PRKN: variants seen among roughly 807,000 people sequenced by gnomAD.
PRKN encodes E3 ubiquitin-protein ligase parkin.
PRKN carries 56 observed loss-of-function variants against 59.5 expected under a neutral mutation model. The ratio of observed to expected loss-of-function variants is 0.94; its 90% CI spans 0.76 to 1.18. The LOEUF (loss-of-function observed/expected upper bound fraction) is 1.18. Ranked by LOEUF, PRKN falls within the 50% of genes most tolerant of loss-of-function variation. The pLI is 0.00. For synonymous variants in PRKN, 250 were observed against 222.1 expected (o/e 1.13, Z -1.12); for missense variants, 657 against 596.4 (o/e 1.10, Z -1.06).
chr6:161,548,922 C>T lies in PRKN; in HGVS notation c.1015G>A (p.Ala339Thr). The change falls in exon 9 of 12, where the codon GCG becomes ACG. Residue 339 changes from alanine (A) to threonine (T), a missense_variant. Coordinates refer to ENST00000366898, the MANE Select transcript of PRKN (RefSeq NM_004562.3). This position sits in a 1 kb window ranked among gnomAD's most constrained non-coding sequence, Gnocchi z 4.2. ...GVLCPRPGCGAGLLPEPDQRK... is the reference protein window; with the variant it reads ...GVLCPRPGCGTGLLPEPDQRK... ...TGGTCAGGCTCCGGCAGCAGCCCCG[C>T]TCCACAGCCAGGGCGGGGGCATAAC... is the stretch of plus-strand genomic sequence containing the variant. 1 of 1,614,166 alleles carries T rather than the reference C, an allele frequency of 6.2e-7. No individual in the cohort carries two copies. The highest frequency in any genetic ancestry group is 8.5e-7 in the Non-Finnish European group (1 of 1,179,994).
intron 3 of PRKN, among the ~76,000 whole-genome samples, chr6:162,231,815 G>T (rs980401411): frequency 6.6e-6 from 1 of 152,136 alleles, no homozygotes; most frequent in Non-Finnish European, 1.5e-5. Flanking sequence ...ACATCCCAGA[G>T]AGAGAAAAAT....
At chr6:161,412,592 C>T (rs558170422) in intron 9 of PRKN, among the ~76,000 whole-genome samples, 1 of 149,840 alleles carries the variant, frequency 6.7e-6, no homozygotes, top group African/African-American at 2.5e-5. Flanking sequence ...TCCGCTCACT[C>T]AGTCCTTTCT....
chr6:161,605,086 A>G (rs1782230440), intron 7 of PRKN, among the ~76,000 whole-genome samples: 1 of 152,218 alleles, frequency 6.6e-6, no homozygotes, highest in Non-Finnish European at 1.5e-5. Context: ...ATTTTATTCT[A>G]TATTTTAGAG....
At chr6:161,509,456 G>A (rs905874160) in intron 9 of PRKN, among the ~76,000 whole-genome samples, 11 of 152,178 alleles carry the variant, frequency 7.2e-5, no homozygotes, top group African/African-American at 2.7e-4. Flanking sequence ...GGGGCAGCCA[G>A]GTGGGCATGG....
intron 1 of PRKN, among the ~76,000 whole-genome samples, chr6:162,545,972 A>G (rs531619600): frequency 1.3e-5 from 2 of 152,258 alleles, no homozygotes; most frequent in African/African-American, 4.8e-5. Flanking sequence ...TTAAGAGTCT[A>G]CACTGTTCAT....
intron 4 of PRKN, among the ~76,000 whole-genome samples, chr6:162,129,609 C>A (rs557288167): frequency 3.0e-4 from 46 of 152,146 alleles, no homozygotes; most frequent in Non-Finnish European, 5.4e-4. Flanking sequence ...GAATATGCCA[C>A]TTCATTAGAG....
At chr6:162,018,739 G>A (rs1783022354) in intron 5 of PRKN, among the ~76,000 whole-genome samples, 3 of 152,062 alleles carry the variant, frequency 2.0e-5, no homozygotes, top group Admixed American at 2.0e-4. Context: ...CCTCCCAAGA[G>A]CCAAAACCTA....
intron 5 of PRKN, among the ~76,000 whole-genome samples, chr6:162,016,446 G>A (rs996449939): frequency 2.6e-5 from 4 of 152,056 alleles, no homozygotes; most frequent in Non-Finnish European, 5.9e-5. Flanking sequence ...GTCTTGATAG[G>A]TGGAAAGTGC....
At chr6:162,010,322 TTATAATA>T (rs1438118841) in intron 5 of PRKN, among the ~76,000 whole-genome samples, 1 of 121,406 alleles carries the variant, frequency 8.2e-6, no homozygotes, top group Non-Finnish European at 1.6e-5. Flanking sequence ...TTTTATATAT[TTATAATA>T]TATAATATAT....
chr6:162,679,753 T>C (rs1484415457), intron 1 of PRKN, among the ~76,000 whole-genome samples: 1 of 152,178 alleles, frequency 6.6e-6, no homozygotes, highest in African/African-American at 2.4e-5. Flanking sequence ...AATACTTTAC[T>C]TCAGTATCAA....
intron 4 of PRKN, among the ~76,000 whole-genome samples, chr6:162,092,046 A>C (rs771894905): frequency 3.9e-5 from 6 of 152,126 alleles, no homozygotes; most frequent in Non-Finnish European, 5.9e-5. Context: ...AAAGAAAAGA[A>C]AAAGGTCATA....
intron 5 of PRKN, among the ~76,000 whole-genome samples, chr6:162,021,295 T>TAAAC (rs58952437): frequency 0.77 from 107,912 of 140,820 alleles, 41,590 homozygotes; most frequent in Admixed American, 0.81. Flanking sequence ...AAACCACACT[T>TAAAC]AAATGACTAA....
At chr6:162,228,052 A>T (rs570736168) in intron 3 of PRKN, among the ~76,000 whole-genome samples, 1 of 152,292 alleles carries the variant, frequency 6.6e-6, no homozygotes, top group East Asian at 1.9e-4. Flanking sequence ...CGTAGAGAGA[A>T]TTCTCCAAAT....
chr6:161,961,855 G>A (rs181536428), intron 6 of PRKN, among the ~76,000 whole-genome samples: 83 of 152,216 alleles, frequency 5.5e-4, no homozygotes, highest in African/African-American at 1.9e-3. Context: ...ATGAGACTGC[G>A]TTGCCTGTGA....
At chr6:161,880,728 G>C (rs890751824) in intron 6 of PRKN, among the ~76,000 whole-genome samples, 1 of 152,118 alleles carries the variant, frequency 6.6e-6, no homozygotes, top group Non-Finnish European at 1.5e-5. Context: ...CGCACTTCCT[G>C]GGCACTACCT....
chr6:162,384,669 A>C (rs1296036203), intron 2 of PRKN, among the ~76,000 whole-genome samples: 1 of 151,874 alleles, frequency 6.6e-6, no homozygotes, highest in Non-Finnish European at 1.5e-5. Flanking sequence ...AAAACAAAAA[A>C]AAAAAACACT....
chr6:161,347,606 C>CCTTTTTGTTTTTTTTTTTTT lies in PRKN; in HGVS notation c.*2492_*2493insAAAAAAAAAAAAACAAAAAG, dbSNP rs1562383605. 7.4e-6 allele frequency: 1 copy of CCTTTTTGTTTTTTTTTTTTT among 134,762 alleles called. No homozygotes were observed. The allele number at this position is 134,762 out of a possible 1,614,324, so 8.3% of individuals were successfully genotyped here. A position where few individuals can be genotyped will look rare whatever the true frequency, so the allele number is the denominator to read the frequency against. ...TGTTCATGTGTAGTGGATGATCTTGCTTTTTTGTTTTTGTTTTTTTTTTTT... is the reference window on the plus strand; with the variant it reads ...TGTTCATGTGTAGTGGATGATCTTGCCTTTTTGTTTTTTTTTTTTTTTTTTTGTTTTTGTTTTTTTTTTTT... On this transcript the variant is annotated 3_prime_UTR_variant, in exon 12 of 12. Coordinates refer to ENST00000366898, the MANE Select transcript of PRKN (RefSeq NM_004562.3).
intron 6 of PRKN, among the ~76,000 whole-genome samples, chr6:161,892,056 A>T (rs1023450161): frequency 3.3e-5 from 5 of 152,118 alleles, no homozygotes; most frequent in African/African-American, 1.2e-4. Context: ...CAAGAAGCAA[A>T]TTTTTTGAAG....
chr6:162,418,011 G>A (rs1448747535), intron 2 of PRKN, among the ~76,000 whole-genome samples: 1 of 152,068 alleles, frequency 6.6e-6, no homozygotes, highest in Non-Finnish European at 1.5e-5. Context: ...CTAGGTATAC[G>A]CCCAAGAGCA....
Sources: allele counts gnomAD v4.1 joint callset (sites outside exome capture counted in the v4.1 genomes callset), GRCh38; gene constraint gnomAD v4.1.1; non-coding constraint Gnocchi (gnomAD v3.1); transcripts MANE v1.5; gene names NCBI Gene and HGNC (gene_info 2026-07-23, HGNC 2026-07-21).